DYRK4: variants seen among roughly 807,000 people sequenced by gnomAD.
The protein encoded by DYRK4 is dual specificity tyrosine-phosphorylation-regulated kinase 4.
A neutral mutation model predicts 68.3 loss-of-function variants in DYRK4; 64 were observed. The observed-to-expected ratio is 0.94, with a 90% CI of 0.77 to 1.15. The LOEUF is 1.15. Among genes scored for constraint, DYRK4 ranks in the 50% most tolerant of loss-of-function variants. The probability of loss-of-function intolerance (pLI) is 0.00; values close to 1 mark genes in which losing one functional copy is unlikely to be tolerated. For synonymous variants in DYRK4, 274 were observed against 289.9 expected (o/e 0.95, Z 0.56); for missense variants, 740 against 764.7 (o/e 0.97, Z 0.38).
intron 13 of DYRK4, among the ~76,000 whole-genome samples, chr12:4,610,863 G>T (rs1945212579): frequency 6.6e-6 from 1 of 152,184 alleles, no homozygotes; most frequent in African/African-American, 2.4e-5. Flanking sequence ...CTGTACTTAA[G>T]TCGTAGTACC....
At chr12:4,579,915 G>T (rs1384582472) in intron 2 of DYRK4, among the ~76,000 whole-genome samples, 19 of 152,174 alleles carry the variant, frequency 1.2e-4, no homozygotes, top group Admixed American at 1.2e-3. Flanking sequence ...CTGGGTGGCA[G>T]CATGAGACAG....
In DYRK4 at chr12:4,590,950, A is replaced by G. The variant is rs1377091390; in HGVS notation, c.325-210A>G. 6.6e-6 allele frequency: 4 copies of G among 604,812 alleles called. No individual in the cohort carries two copies. The Admixed American group carries it at 1.2e-4, about 18-fold the overall frequency. The allele number at this position is 604,812 out of a possible 1,614,324, so 37.5% of individuals were successfully genotyped here. On this transcript the variant is annotated intron_variant, in intron 4 of 14. Transcript: ENST00000543431. ...TTGTCAGCAGCATACGGTAAGGTAC[A>G]GGGGTCTCCCCAGGAATAGTGTCAG...
chr12:4,588,548 C>G (rs1944920651), intron 2 of DYRK4, among the ~76,000 whole-genome samples: 1 of 152,188 alleles, frequency 6.6e-6, no homozygotes. Context: ...ACCTTCAGAG[C>G]CACACTCAGG....
At position 4,590,353 on chromosome 12, in the gene DYRK4, C is replaced by A; in HGVS notation, c.237C>A (p.Pro79=). ...FHKNTSVTSL[P]FVDTKGKKNT... ...AGAACACCAGTGTTACTTCACTCCC[C>A]TTTGTGGACACCAAGGGGAAGAAGA... The change falls in exon 4 of 15, where the codon CCC becomes CCA. Residue 79 remains proline, a synonymous_variant. Coordinates refer to ENST00000543431, the MANE Select transcript of DYRK4 (RefSeq NM_001394779.1). 1 of 1,535,768 alleles carries A rather than the reference C, an allele frequency of 6.5e-7. No individual in the cohort carries two copies. Among genetic ancestry groups the A allele is most frequent in the Non-Finnish European group, 8.7e-7 (1 of 1,146,756 alleles).
chr12:4,592,209 G>A (rs1734601584), intron 5 of DYRK4, among the ~76,000 whole-genome samples: 1 of 152,154 alleles, frequency 6.6e-6, no homozygotes, highest in African/African-American at 2.4e-5. Context: ...GCTATCTTAT[G>A]CCTTGGCTCT....
chr12:4,609,772 A>G (rs1012123340), intron 12 of DYRK4, among the ~76,000 whole-genome samples: 10 of 152,238 alleles, frequency 6.6e-5, no homozygotes, highest in Non-Finnish European at 1.2e-4. Context: ...GGAAATGGAT[A>G]TTTGTACAAT....
At chr12:4,607,227 T>C (rs1945162956) in intron 11 of DYRK4, 100 bp from the exon 12 acceptor site, 2 of 1,347,852 alleles carry the variant, frequency 1.5e-6, no homozygotes, top group South Asian at 1.2e-5. Context: ...TTTGAATCCT[T>C]ATCTGTAGAA....
intron 8 of DYRK4, chr12:4,597,013 A>G: frequency 8.0e-7 from 1 of 1,248,136 alleles, no homozygotes; most frequent in Middle Eastern, 3.2e-4. Context: ...TTAAGAGCTA[A>G]ACTGAAATAG....
Position 4,588,615 on chromosome 12 carries a change from G to A in DYRK4, c.133-322G>A, listed in dbSNP as rs533802731. 3.3e-5 allele frequency among the ~76,000 whole-genome samples: 5 copies of A among 152,326 alleles called. No individual in the cohort carries two copies. In the South Asian group the frequency reaches 1.0e-3, roughly 32 times the overall value. On this transcript the variant is annotated intron_variant, in intron 2 of 14. Coordinates refer to ENST00000543431, the MANE Select transcript of DYRK4 (RefSeq NM_001394779.1). ...TTTTCTTTTCTAAAGAGCAAGAGCA[G>A]CTCAGCTGTTACTCCTTACCGTAAG... is the stretch of plus-strand genomic sequence containing the variant.
rs749386967 is a variant in DYRK4 at position 4,596,730 on chromosome 12, G to A, written c.905+1G>A. 1 of 1,613,488 alleles carries A rather than the reference G, an allele frequency of 6.2e-7. No individual in the cohort carries two copies. Among genetic ancestry groups the A allele is most frequent in the Non-Finnish European group, 8.5e-7 (1 of 1,179,926 alleles). ...TCTGCATCACCTTTGAGCTCCTGGG[G>A]TCAGCTGCCTTTTCTTCTTAACTCA... On this transcript the variant is annotated splice_donor_variant, in intron 8 of 14. Coordinates refer to ENST00000543431, the MANE Select transcript of DYRK4 (RefSeq NM_001394779.1). LOFTEE classifies it high-confidence loss of function.
intron 10 of DYRK4, 143 bp from the exon 11 acceptor site, chr12:4,604,771 A>G: frequency 1.1e-6 from 1 of 922,634 alleles, no homozygotes; most frequent in African/African-American, 1.7e-5. Flanking sequence ...TGATGGTGTA[A>G]TGGGAGTTCT....
rs778981458 is a variant in DYRK4, at chr12:4,607,404, C to CATT, written c.1360+17_1360+18insATT. ...CATTCTTTGGTAAGTCCTAGTGTGT[C>CATT]TCATGAGGTGTCACAGGCCTTGAAG... On this transcript the variant is annotated intron_variant, in intron 12 of 14. Coordinates refer to ENST00000543431, the MANE Select transcript of DYRK4 (RefSeq NM_001394779.1). 1.9e-5 allele frequency: 30 copies of CATT among 1,613,934 alleles called. No homozygotes were observed. In the African/African-American group the frequency reaches 3.9e-4, roughly 21 times the overall value.
At chr12:4,612,798 A>G (rs1291323279) in intron 14 of DYRK4, 80 bp downstream of exon 14, 1 of 1,488,110 alleles carries the variant, frequency 6.7e-7, no homozygotes, top group Admixed American at 1.7e-5. Context: ...TCCTTGTGAT[A>G]TTTTTGAAGC....
At chr12:4,596,567 C>T (rs375089769) in intron 7 of DYRK4, 22 bp from the exon 8 acceptor site, 16 of 1,607,916 alleles carry the variant, frequency 1.0e-5, no homozygotes, top group African/African-American at 5.4e-5. Flanking sequence ...CCCACCCTGC[C>T]GGCCACTCCC....
intron 1 of DYRK4, among the ~76,000 whole-genome samples, chr12:4,562,839 C>G (rs1683407992): frequency 7.4e-6 from 1 of 135,100 alleles, no homozygotes; most frequent in African/African-American, 3.0e-5. Flanking sequence ...GATCACACAC[C>G]CAGAGCTGCC....
chr12:4,589,664 CT>C (rs34464613), intron 3 of DYRK4, among the ~76,000 whole-genome samples: 1 of 152,154 alleles, frequency 6.6e-6, no homozygotes, highest in Non-Finnish European at 1.5e-5. Context: ...GGTTCTCATC[CT>C]TTTTTATGAC....
intron 2 of DYRK4, among the ~76,000 whole-genome samples, chr12:4,587,146 G>A (rs1287684922): frequency 3.3e-5 from 5 of 152,130 alleles, no homozygotes; most frequent in African/African-American, 9.7e-5. Context: ...TGTTGCCCAC[G>A]GGATAAAGAC....
intron 10 of DYRK4, chr12:4,603,075 C>G: frequency 7.9e-7 from 1 of 1,270,662 alleles, no homozygotes; most frequent in South Asian, 1.3e-5. Context: ...TCTTCCTCCT[C>G]CAAGTCTTTC....
chr12:4,596,529 C>A (rs1034812510), intron 7 of DYRK4, 60 bp from the exon 8 acceptor site: 3 of 1,585,454 alleles, frequency 1.9e-6, no homozygotes, highest in Non-Finnish European at 2.6e-6. Context: ...TGCAGCGGGA[C>A]CTGACACTGA....
Sources: gnomAD v4.1 joint callset for allele counts (sites outside exome capture counted in the v4.1 genomes callset) on GRCh38, gnomAD v4.1.1 for gene constraint, MANE v1.5 for transcripts, NCBI Gene and HGNC (gene_info 2026-07-23, HGNC 2026-07-21) for gene names.